Variants in SNX8 observed in about 807,000 individuals in gnomAD.
SNX8 encodes the protein sorting nexin 8, also known as sorting nexin-8.
A neutral mutation model predicts 51.6 loss-of-function variants in SNX8; 25 were observed. That is an observed-to-expected ratio of 0.48 (90% CI 0.35 to 0.68). The LOEUF is 0.68. Among genes scored for constraint, SNX8 ranks in the 30% least tolerant of loss-of-function variants. SNX8 has a pLI of 0.00. For missense variants in SNX8, 695 were observed against 624.0 expected, an observed-to-expected ratio of 1.11 and a Z score of -1.21; for synonymous variants, 324 against 277.0, an observed-to-expected ratio of 1.17 and a Z score of -1.68.
Position 2,335,233 on chromosome 7 carries a change from A to C in SNX8, c.-66+18989T>G, listed in dbSNP as rs187861014. Among the ~76,000 whole-genome samples the C allele has an allele frequency of 3.4e-3, 510 of 152,228 alleles. 13 individuals carry two copies. Among genetic ancestry groups the C allele is most frequent in the Admixed American group, 0.03 (463 of 15,258 alleles). Reference sequence around the variant, plus strand: ...AAAAAAAAAATAGCCAGATGTTGGAAACAAGCCAGAGGTTCATGAACAGCC... The same window carrying C: ...AAAAAAAAAATAGCCAGATGTTGGACACAAGCCAGAGGTTCATGAACAGCC... On this transcript the variant is annotated intron_variant, in intron 1 of 5. Coordinates refer to the SNX8 transcript ENST00000435336.
intron 1 of SNX8, among the ~76,000 whole-genome samples, chr7:2,332,329 T>C (rs1370360611): frequency 6.6e-6 from 1 of 152,014 alleles, no homozygotes. Flanking sequence ...GGACGTCAGC[T>C]CTTCCCAAAT....
intron 10 of SNX8, 134 bp downstream of exon 10, chr7:2,256,740 G>C (rs568858069): frequency 3.8e-6 from 3 of 788,082 alleles, no homozygotes; most frequent in Non-Finnish European, 5.8e-6. Context: ...CGTGTTCCAA[G>C]GCCCATGCGG....
chr7:2,313,544 A>C (rs1342421776), intron 1 of SNX8, among the ~76,000 whole-genome samples: 2 of 151,174 alleles, frequency 1.3e-5, no homozygotes, highest in African/African-American at 4.9e-5. Flanking sequence ...AAAAAAGAAA[A>C]GAAAAGAAAA....
intron 1 of SNX8, among the ~76,000 whole-genome samples, chr7:2,340,856 CAAAAAAA>C (rs71026503): frequency 2.0e-4 from 9 of 45,114 alleles, no homozygotes; most frequent in Admixed American, 3.8e-4. Context: ...GGCTGCTTCT[CAAAAAAA>C]AAAAAAAAAA....
intron 1 of SNX8, among the ~76,000 whole-genome samples, chr7:2,332,866 GAGAAAGAAAGAGAA>G (rs1168937313): frequency 6.7e-6 from 1 of 150,208 alleles, no homozygotes; most frequent in Non-Finnish European, 1.5e-5. Flanking sequence ...AAGAGAGAGA[GAGAAAGAAAGAGAA>G]AGAAAGAAAG....
intron 8 of SNX8, 110 bp downstream of exon 8, chr7:2,257,625 C>A (rs1795223187): frequency 6.4e-7 from 1 of 1,561,952 alleles, no homozygotes; most frequent in Admixed American, 1.7e-5. Flanking sequence ...TCTTCCCCTG[C>A]AGCCCTGGCT....
chr7:2,318,652 G>A (rs895189503), upstream of SNX8, among the ~76,000 whole-genome samples: 4 of 151,542 alleles, frequency 2.6e-5, no homozygotes, highest in East Asian at 1.9e-4. Context: ...CTGAGATTGC[G>A]CCATTGTACT....
At chr7:2,334,118 A>T (rs569261584) in intron 1 of SNX8, among the ~76,000 whole-genome samples, 150 of 152,192 alleles carry the variant, frequency 9.9e-4, no homozygotes, top group Non-Finnish European at 1.5e-3. Flanking sequence ...AATAATTTTT[A>T]AAAAGGCTGG....
At chr7:2,348,164 T>G (rs911705029) in intron 1 of SNX8, among the ~76,000 whole-genome samples, 2 of 152,090 alleles carry the variant, frequency 1.3e-5, no homozygotes, top group Non-Finnish European at 2.9e-5. Flanking sequence ...AAGGGCGGGC[T>G]AAGATCGCCA....
intron 1 of SNX8, among the ~76,000 whole-genome samples, chr7:2,290,918 G>A (rs1056650025): frequency 2.6e-5 from 4 of 152,244 alleles, no homozygotes; most frequent in Admixed American, 6.5e-5. Flanking sequence ...CTGCCGCATC[G>A]TCAGAACAAC....
rs182659791 is a variant in SNX8, at chr7:2,330,914, G to T, written c.-66+23308C>A. ...AGAAAATTCCTAGACACCGGGCGCGGTGGCTCACGCCTGTGATCCCAAAAC... is the reference window on the plus strand; with the variant it reads ...AGAAAATTCCTAGACACCGGGCGCGTTGGCTCACGCCTGTGATCCCAAAAC... On this transcript the variant is annotated intron_variant, in intron 1 of 5. Coordinates refer to the SNX8 transcript ENST00000435336. 2.6e-5 allele frequency among the ~76,000 whole-genome samples: 4 copies of T among 152,254 alleles called. No individual in the cohort carries two copies. In the East Asian group the frequency reaches 5.8e-4, roughly 22 times the overall value.
chr7:2,256,836 C>A (rs1428357944), intron 10 of SNX8, 38 bp downstream of exon 10: 2 of 1,586,944 alleles, frequency 1.3e-6, no homozygotes, highest in Non-Finnish European at 1.7e-6. Context: ...CAAAGAAAGG[C>A]CGTGGCCGAG....
chr7:2,300,989 T>A (rs1796378055), intron 1 of SNX8, among the ~76,000 whole-genome samples: 1 of 152,066 alleles, frequency 6.6e-6, no homozygotes. Context: ...AAGTAACCAT[T>A]CTCCCACAAA....
intron 5 of SNX8, among the ~76,000 whole-genome samples, chr7:2,267,561 A>G (rs1383841104): frequency 1.4e-3 from 179 of 131,744 alleles, no homozygotes; most frequent in African/African-American, 4.6e-3. Context: ...TGATCCGCCA[A>G]CCTCGGCCTC....
intron 7 of SNX8, among the ~76,000 whole-genome samples, chr7:2,259,222 C>G (rs558155353): frequency 3.2e-4 from 49 of 152,316 alleles, no homozygotes; most frequent in African/African-American, 9.9e-4. Context: ...CACAGACCCC[C>G]CAGCCACAAC....
intron 1 of SNX8, among the ~76,000 whole-genome samples, chr7:2,285,546 C>T (rs1796008602): frequency 6.6e-6 from 1 of 152,154 alleles, no homozygotes; most frequent in South Asian, 2.1e-4. Flanking sequence ...GAACGCCCCT[C>T]GAACATGGAG....
At chr7:2,311,976 C>T (rs1796668024) in intron 1 of SNX8, among the ~76,000 whole-genome samples, 1 of 152,002 alleles carries the variant, frequency 6.6e-6, no homozygotes, top group Admixed American at 6.6e-5. Context: ...ACTTCACCCA[C>T]CTGCCAGGAT....
chr7:2,301,621 G>A (rs1252141666), intron 1 of SNX8, among the ~76,000 whole-genome samples: 2 of 152,100 alleles, frequency 1.3e-5, no homozygotes, highest in Non-Finnish European at 2.9e-5. Flanking sequence ...TCTAGAATGG[G>A]GGTAGTAAAT....
intron 1 of SNX8, among the ~76,000 whole-genome samples, chr7:2,311,179 G>A (rs1342053594): frequency 6.6e-6 from 1 of 152,082 alleles, no homozygotes; most frequent in Non-Finnish European, 1.5e-5. Context: ...TGGCAACACC[G>A]AAGATGCAGG....
Sources: allele counts gnomAD v4.1 joint callset (sites outside exome capture counted in the v4.1 genomes callset), GRCh38; gene constraint gnomAD v4.1.1; transcripts MANE v1.5; gene names NCBI Gene and HGNC (gene_info 2026-07-23, HGNC 2026-07-21).